EPHA5: variants seen among roughly 807,000 people sequenced by gnomAD.
EPHA5 encodes the protein ephrin type-A receptor 5.
EPHA5 carries 60 observed loss-of-function variants against 105.0 expected under a neutral mutation model. That is an observed-to-expected ratio of 0.57 (90% CI 0.46 to 0.71). The LOEUF (loss-of-function observed/expected upper bound fraction) is 0.71, where lower values mean the gene tolerates loss of function less well. EPHA5 is among the 30% of genes least tolerant of loss of function. The pLI is 0.00. For synonymous variants in EPHA5, 513 were observed against 449.1 expected, an observed-to-expected ratio of 1.14 and a Z score of -1.80; for missense variants, 1,218 against 1,274.7, an observed-to-expected ratio of 0.96 and a Z score of 0.68.
chr4:65,466,214 A>G (rs1728704729), intron 5 of EPHA5, among the ~76,000 whole-genome samples: 1 of 152,228 alleles, frequency 6.6e-6, no homozygotes, highest in East Asian at 1.9e-4. Context: ...ATGAAAGGTA[A>G]CAATAATGCC....
At chr4:65,587,099 T>G (rs972992004) in intron 3 of EPHA5, among the ~76,000 whole-genome samples, 1 of 152,138 alleles carries the variant, frequency 6.6e-6, no homozygotes, top group African/African-American at 2.4e-5. Flanking sequence ...AAGAATGACA[T>G]GAAAACACTT....
At chr4:65,457,068 G>GAA (rs11462702) in intron 5 of EPHA5, among the ~76,000 whole-genome samples, 24 of 150,850 alleles carry the variant, frequency 1.6e-4, no homozygotes, top group East Asian at 7.8e-4. Flanking sequence ...TTAAAAGCAG[G>GAA]AAAAAAAAAT....
intron 3 of EPHA5, among the ~76,000 whole-genome samples, chr4:65,582,775 C>T (rs367607532): frequency 2.5e-3 from 383 of 151,636 alleles, no homozygotes; most frequent in African/African-American, 8.9e-3. Flanking sequence ...TGCCAATTTA[C>T]ATATATTTAC....
At chr4:65,610,897 T>C (rs935581072) in intron 2 of EPHA5, among the ~76,000 whole-genome samples, 2 of 152,160 alleles carry the variant, frequency 1.3e-5, no homozygotes, top group Middle Eastern at 6.3e-3. Context: ...TAGGTGATGG[T>C]AGCCTCCCAC....
intron 2 of EPHA5, among the ~76,000 whole-genome samples, chr4:65,612,497 T>C (rs995174865): frequency 1.3e-5 from 2 of 152,208 alleles, no homozygotes; most frequent in African/African-American, 4.8e-5. Context: ...GCAAAAGACA[T>C]TACTTCATTC....
intron 2 of EPHA5, among the ~76,000 whole-genome samples, chr4:65,641,404 C>T (rs1747654796): frequency 6.6e-6 from 1 of 151,714 alleles, no homozygotes; most frequent in African/African-American, 2.4e-5. Context: ...TTTCTTGTGG[C>T]ATTTATTGAA....
intron 3 of EPHA5, among the ~76,000 whole-genome samples, chr4:65,518,657 A>G (rs1316574656): frequency 6.6e-6 from 1 of 152,014 alleles, no homozygotes; most frequent in African/African-American, 2.4e-5. Flanking sequence ...GATGTACCCT[A>G]GGACAGGAAA....
At chr4:65,520,423 C>T (rs1734573869) in intron 3 of EPHA5, among the ~76,000 whole-genome samples, 1 of 152,068 alleles carries the variant, frequency 6.6e-6, no homozygotes, top group African/African-American at 2.4e-5. Flanking sequence ...CCATAAAAAC[C>T]CTAGAAGAAA....
chr4:65,352,062 T>C (rs1027800807), intron 12 of EPHA5, among the ~76,000 whole-genome samples: 1 of 152,028 alleles, frequency 6.6e-6, no homozygotes, highest in African/African-American at 2.4e-5. Flanking sequence ...ATCAGGTCAA[T>C]GTTAGCAATT....
chr4:65,501,833 C>T (rs758249624), intron 3 of EPHA5, among the ~76,000 whole-genome samples: 1 of 151,702 alleles, frequency 6.6e-6, no homozygotes, highest in Non-Finnish European at 1.5e-5. Context: ...AGTGGCATTA[C>T]ATTACCCAAC....
intron 2 of EPHA5, among the ~76,000 whole-genome samples, chr4:65,606,132 AT>A (rs1207955763): frequency 1.3e-5 from 2 of 151,810 alleles, no homozygotes; most frequent in Non-Finnish European, 2.9e-5. Flanking sequence ...GCTACACAAC[AT>A]TTTTTCCAGA....
intron 5 of EPHA5, among the ~76,000 whole-genome samples, chr4:65,477,348 A>C (rs1729921234): frequency 6.6e-6 from 1 of 152,124 alleles, no homozygotes; most frequent in Non-Finnish European, 1.5e-5. Context: ...TTAGATTTCT[A>C]TTCCCTCACT....
intron 8 of EPHA5, chr4:65,377,019 A>G (rs2148919900): frequency 1.2e-6 from 2 of 1,609,314 alleles, no homozygotes; most frequent in Non-Finnish European, 1.7e-6. Context: ...TGGATGGGCA[A>G]CAGCGCACAG....
At chr4:65,387,597 C>A (rs1405043712) in intron 8 of EPHA5, among the ~76,000 whole-genome samples, 1 of 151,902 alleles carries the variant, frequency 6.6e-6, no homozygotes, top group African/African-American at 2.4e-5. Flanking sequence ...CCCTGGCCCA[C>A]TACTTCCCAA....
chr4:65,589,127 TG>T (rs1318150938), intron 3 of EPHA5, among the ~76,000 whole-genome samples: 4 of 152,150 alleles, frequency 2.6e-5, no homozygotes, highest in Non-Finnish European at 5.9e-5. Context: ...TAGTATGAAC[TG>T]GTTTCTAACA....
intron 2 of EPHA5, among the ~76,000 whole-genome samples, chr4:65,634,346 T>C (rs1392502487): frequency 6.6e-6 from 1 of 152,114 alleles, no homozygotes; most frequent in East Asian, 1.9e-4. Context: ...TATGCAGGAA[T>C]ATGCTATGAC....
chr4:65,668,536 T>A (rs2149566830), intron 1 of EPHA5, among the ~76,000 whole-genome samples: 1 of 152,118 alleles, frequency 6.6e-6, no homozygotes, highest in South Asian at 2.1e-4. Flanking sequence ...CCGAGCTCAG[T>A]CCGGGTGTGG....
chr4:65,542,301 T>C (rs559996171), intron 3 of EPHA5, among the ~76,000 whole-genome samples: 12 of 151,726 alleles, frequency 7.9e-5, no homozygotes, highest in African/African-American at 2.9e-4. Context: ...CAGGAGCTGG[T>C]TTTTGAAAAA....
chr4:65,602,740 G>T (rs1040805771), intron 2 of EPHA5, among the ~76,000 whole-genome samples: 5 of 151,928 alleles, frequency 3.3e-5, no homozygotes, highest in South Asian at 4.2e-4. Flanking sequence ...ATGAAATAAG[G>T]GATAAAAGGA....
Sources: gnomAD v4.1 joint callset for allele counts (sites outside exome capture counted in the v4.1 genomes callset) on GRCh38, gnomAD v4.1.1 for gene constraint, MANE v1.5 for transcripts, NCBI Gene and HGNC (gene_info 2026-07-23, HGNC 2026-07-21) for gene names.